GPC6: variants seen among roughly 807,000 people sequenced by gnomAD.
GPC6 encodes glypican 6, also known as glypican-6.
A neutral mutation model predicts 55.2 loss-of-function variants in GPC6; 14 were observed. The ratio of observed to expected loss-of-function variants is 0.25; its 90% CI spans 0.17 to 0.40. The LOEUF is 0.40. GPC6 is among the 10% of genes least tolerant of loss of function. GPC6 has a pLI of 1.00. For synonymous variants in GPC6, 278 were observed against 259.6 expected, an observed-to-expected ratio of 1.07 and a Z score of -0.68; for missense variants, 641 against 708.5, an observed-to-expected ratio of 0.90 and a Z score of 1.08.
At chr13:93,852,975 A>G (rs1429271958) in intron 3 of GPC6, among the ~76,000 whole-genome samples, 4 of 151,742 alleles carry the variant, frequency 2.6e-5, no homozygotes, top group African/African-American at 9.7e-5. Flanking sequence ...CATATGTACC[A>G]ATTTCAAGGG....
Position 93,556,961 on chromosome 13 carries a change from G to T in GPC6, c.319+11540G>T, listed in dbSNP as rs143737711. Among the ~76,000 whole-genome samples, 258 of 152,138 alleles carry T rather than the reference G, an allele frequency of 1.7e-3. 4 individuals are homozygous for T. The highest frequency in any genetic ancestry group is 0.01 in the South Asian group (50 of 4,828). Reference sequence around the variant, plus strand: ...TAGCACACTTTGATTCAAACATAAGGTATGGTTATTGTAGAAAACTTGTAT... The same window carrying T: ...TAGCACACTTTGATTCAAACATAAGTTATGGTTATTGTAGAAAACTTGTAT... On this transcript the variant is annotated intron_variant, in intron 2 of 8. Coordinates refer to ENST00000377047, the MANE Select transcript of GPC6 (RefSeq NM_005708.5).
Position 94,288,846 on chromosome 13 carries a change from T to TATATATATATTTGTTATATATAAC in GPC6, c.1008+2374_1008+2375insTATTTGTTATATATAACATATATA, listed in dbSNP as rs2139088415. Among the ~76,000 whole-genome samples, 5 of 98,536 alleles carry TATATATATATTTGTTATATATAAC rather than the reference T, an allele frequency of 5.1e-5. 1 individual carries two copies. Among genetic ancestry groups the TATATATATATTTGTTATATATAAC allele is most frequent in the African/African-American group, 1.8e-4 (5 of 27,546 alleles). 64.6% of individuals were successfully genotyped at this position (98,536 alleles called of 152,430 possible). ...ATATATATTTGTTATATATAACAAA[T>TATATATATATTTGTTATATATAAC]ATATATAATAAATATATATATTTGT... is the stretch of plus-strand genomic sequence containing the variant. On this transcript the variant is annotated intron_variant, in intron 5 of 8. Coordinates refer to ENST00000377047, the MANE Select transcript of GPC6 (RefSeq NM_005708.5).
At chr13:93,381,660 T>C (rs972112519) in intron 1 of GPC6, among the ~76,000 whole-genome samples, 19 of 152,132 alleles carry the variant, frequency 1.2e-4, no homozygotes, top group Admixed American at 2.0e-4. Flanking sequence ...ATAAATCACC[T>C]AGCTCAATTT....
At chr13:94,012,377 T>C (rs1882283053) in intron 3 of GPC6, among the ~76,000 whole-genome samples, 1 of 152,186 alleles carries the variant, frequency 6.6e-6, no homozygotes, top group South Asian at 2.1e-4. Flanking sequence ...GAAGACTTTC[T>C]CATAGGGCTC....
intron 4 of GPC6, among the ~76,000 whole-genome samples, chr13:94,237,930 G>T (rs1182210731): frequency 6.6e-6 from 1 of 152,144 alleles, no homozygotes; most frequent in African/African-American, 2.4e-5. Context: ...CAGTATTCCA[G>T]GCAAGAGATT....
At chr13:93,418,533 T>G (rs1040266117) in intron 1 of GPC6, among the ~76,000 whole-genome samples, 3 of 151,078 alleles carry the variant, frequency 2.0e-5, no homozygotes, top group African/African-American at 7.3e-5. Flanking sequence ...ATTATTTTAT[T>G]AATAGCACTG....
chr13:93,627,740 A>G (rs1391351951), intron 2 of GPC6, among the ~76,000 whole-genome samples: 3 of 152,192 alleles, frequency 2.0e-5, no homozygotes, highest in African/African-American at 7.2e-5. Flanking sequence ...CTGTGCATCT[A>G]GCTCCAATTT....
chr13:93,640,419 G>A (rs1194532940), intron 2 of GPC6, among the ~76,000 whole-genome samples: 4 of 151,882 alleles, frequency 2.6e-5, no homozygotes, highest in Non-Finnish European at 4.4e-5. Context: ...AAAAAATATC[G>A]GCTTGGAAAG....
At chr13:93,879,928 A>G (rs1874852672) in intron 3 of GPC6, among the ~76,000 whole-genome samples, 1 of 151,274 alleles carries the variant, frequency 6.6e-6, no homozygotes. Context: ...ATTTCTCAAA[A>G]GAAGACATTT....
At chr13:93,476,778 TA>T (rs1301844350) in intron 1 of GPC6, among the ~76,000 whole-genome samples, 6 of 152,176 alleles carry the variant, frequency 3.9e-5, no homozygotes, top group Non-Finnish European at 7.3e-5. Context: ...GCAGACCTTT[TA>T]TTTTGTTCAC....
At chr13:94,156,510 C>T (rs908291601) in intron 4 of GPC6, among the ~76,000 whole-genome samples, 1 of 152,096 alleles carries the variant, frequency 6.6e-6, no homozygotes, top group African/African-American at 2.4e-5. Flanking sequence ...TGTGATGTTG[C>T]AGTGTCTACC....
chr13:94,234,400 G>A (rs1366036917), intron 4 of GPC6, among the ~76,000 whole-genome samples: 2 of 151,898 alleles, frequency 1.3e-5, no homozygotes, highest in Non-Finnish European at 2.9e-5. Context: ...ACCACCTCAT[G>A]ATCACTGGAA....
chr13:93,773,802 T>A (rs894639253), intron 2 of GPC6, among the ~76,000 whole-genome samples: 1 of 152,218 alleles, frequency 6.6e-6, no homozygotes, highest in Non-Finnish European at 1.5e-5. Flanking sequence ...TACAAGAGAT[T>A]GCCATTGGCT....
At chr13:93,872,966 A>G (rs1202829218) in intron 3 of GPC6, among the ~76,000 whole-genome samples, 1 of 151,982 alleles carries the variant, frequency 6.6e-6, no homozygotes, top group Non-Finnish European at 1.5e-5. Flanking sequence ...TTCTCAAAAC[A>G]CTAAAGGCTG....
At chr13:93,415,252 G>T (rs1876655737) in intron 1 of GPC6, among the ~76,000 whole-genome samples, 1 of 152,034 alleles carries the variant, frequency 6.6e-6, no homozygotes, top group South Asian at 2.1e-4. Context: ...ACTAAGTTCA[G>T]TTCCTGGAAC....
At chr13:94,401,606 G>A (rs561599620) in intron 8 of GPC6, among the ~76,000 whole-genome samples, 57 of 151,800 alleles carry the variant, frequency 3.8e-4, no homozygotes, top group Non-Finnish European at 6.6e-4. Context: ...GGGCCACATC[G>A]TCTCTGCCAC....
chr13:94,275,738 G>GA (rs138940825), intron 4 of GPC6, among the ~76,000 whole-genome samples: 22,107 of 148,482 alleles, frequency 0.15, 1,750 homozygotes, highest in East Asian at 0.31. Context: ...ATATCAAAAT[G>GA]AAAAAAAAAT....
At chr13:93,744,709 G>A (rs114188950) in intron 2 of GPC6, among the ~76,000 whole-genome samples, 3,035 of 151,434 alleles carry the variant, frequency 0.02, 96 homozygotes, top group African/African-American at 0.068. Context: ...GGAGGCTGAC[G>A]CAGGTGGATC....
At chr13:93,858,655 G>A (rs1331975832) in intron 3 of GPC6, among the ~76,000 whole-genome samples, 1 of 151,532 alleles carries the variant, frequency 6.6e-6, no homozygotes, top group Non-Finnish European at 1.5e-5. Context: ...TAGCACGGAG[G>A]AGGGAAGGAG....
Sources: allele counts gnomAD v4.1 joint callset (sites outside exome capture counted in the v4.1 genomes callset), GRCh38; gene constraint gnomAD v4.1.1; transcripts MANE v1.5; gene names NCBI Gene and HGNC (gene_info 2026-07-23, HGNC 2026-07-21).